Variants in MARCHF11 observed in about 807,000 individuals in gnomAD.
MARCHF11 encodes the protein E3 ubiquitin-protein ligase MARCHF11.
In MARCHF11, 29 loss-of-function variants were observed where a neutral mutation model predicts 37.3. The ratio of observed to expected loss-of-function variants is 0.78; its 90% CI spans 0.58 to 1.06. The LOEUF (loss-of-function observed/expected upper bound fraction) is 1.06, where lower values mean the gene tolerates loss of function less well. Ranked by LOEUF, MARCHF11 falls within the 50% of genes least tolerant of loss-of-function variation. MARCHF11 has a pLI of 0.00. For synonymous variants in MARCHF11, 233 were observed against 228.0 expected, an observed-to-expected ratio of 1.02 and a Z score of -0.20; for missense variants, 482 against 533.4, an observed-to-expected ratio of 0.90 and a Z score of 0.95.
chr5:16,175,670 T>C (rs1738343622), intron 2 of MARCHF11, among the ~76,000 whole-genome samples: 1 of 152,232 alleles, frequency 6.6e-6, no homozygotes, highest in African/African-American at 2.4e-5. Context: ...TATTTGTGAA[T>C]ATTAATATTT....
At chr5:16,115,001 C>T (rs1288172351) in intron 2 of MARCHF11, among the ~76,000 whole-genome samples, 1 of 152,056 alleles carries the variant, frequency 6.6e-6, no homozygotes, top group Non-Finnish European at 1.5e-5. Context: ...TTTAACTGCA[C>T]ATCGTGTGTC....
Position 16,137,002 on chromosome 5 carries a change from T to C in MARCHF11, c.693+40724A>G, listed in dbSNP as rs143480343. Among the ~76,000 whole-genome samples, 27 of 152,150 alleles carry C rather than the reference T, an allele frequency of 1.8e-4. 1 individual carries two copies. The East Asian group carries it at 5.2e-3, about 29-fold the overall frequency. ...CCTTTCTAAATAACAATAAAAAATA[T>C]AAAATCAAATCTAGACCATGTAATA... On this transcript the variant is annotated intron_variant, in intron 2 of 3. Coordinates refer to ENST00000332432, the MANE Select transcript of MARCHF11 (RefSeq NM_001102562.3).
intron 2 of MARCHF11, among the ~76,000 whole-genome samples, chr5:16,092,229 T>G (rs1736801086): frequency 6.6e-6 from 1 of 152,158 alleles, no homozygotes; most frequent in African/African-American, 2.4e-5. Flanking sequence ...ACACATACCA[T>G]AAATAAATAA....
chr5:16,165,341 C>G (rs997158510), intron 2 of MARCHF11, among the ~76,000 whole-genome samples: 1 of 152,004 alleles, frequency 6.6e-6, no homozygotes, highest in African/African-American at 2.4e-5. Context: ...AACCCAGTTC[C>G]CCTATTGTTA....
chr5:16,124,243 T>C lies in MARCHF11; in HGVS notation c.694-33162A>G, dbSNP rs1737362309. Among the ~76,000 whole-genome samples, 3 of 152,274 alleles carry C rather than the reference T, an allele frequency of 2.0e-5. 1 individual carries two copies. The South Asian group carries it at 6.2e-4, about 32-fold the overall frequency. ...AAGAAGAAAATGAGGAACTGCTACC[T>C]AGAACCTAAGGGTTCTGAACACCAA... On this transcript the variant is annotated intron_variant, in intron 2 of 3. Coordinates refer to ENST00000332432, the MANE Select transcript of MARCHF11 (RefSeq NM_001102562.3).
intron 2 of MARCHF11, among the ~76,000 whole-genome samples, chr5:16,112,211 C>G (rs1300696816): frequency 1.3e-5 from 2 of 152,132 alleles, no homozygotes; most frequent in Non-Finnish European, 2.9e-5. Context: ...CCTCCAGACC[C>G]CAGAATGGTA....
At chr5:16,139,448 T>C (rs1206535373) in intron 2 of MARCHF11, among the ~76,000 whole-genome samples, 2 of 152,192 alleles carry the variant, frequency 1.3e-5, no homozygotes, top group Non-Finnish European at 2.9e-5. Context: ...GTCTCGGGTA[T>C]GTCTTTGTAG....
At chr5:16,083,831 A>AT (rs1560969626) in intron 3 of MARCHF11, among the ~76,000 whole-genome samples, 1 of 152,198 alleles carries the variant, frequency 6.6e-6, no homozygotes, top group Non-Finnish European at 1.5e-5. Context: ...TAGCTGGTTT[A>AT]TATTCATAGA....
intron 3 of MARCHF11, among the ~76,000 whole-genome samples, chr5:16,071,932 G>GGTT (rs1736444337): frequency 6.6e-6 from 1 of 152,182 alleles, no homozygotes; most frequent in South Asian, 2.1e-4. Context: ...TGTACAAACA[G>GGTT]GTACTAGTTT....
Position 16,067,983 on chromosome 5 carries a change from T to C in MARCHF11, c.887-190A>G, listed in dbSNP as rs866142212. ...CCCATATGACACAGAAATAATCCAT[T>C]TTTGAAGAATGAGAATACACTAATA... On this transcript the variant is annotated intron_variant, in intron 3 of 3. Coordinates refer to ENST00000332432, the MANE Select transcript of MARCHF11 (RefSeq NM_001102562.3). 2.4e-4 allele frequency among the ~76,000 whole-genome samples: 37 copies of C among 152,190 alleles called. 1 individual carries two copies. The highest frequency in any genetic ancestry group is 8.9e-4 in the African/African-American group (37 of 41,434).
chr5:16,177,926 T>C (rs887583312), intron 1 of MARCHF11, 45 bp from the exon 2 acceptor site: 2 of 1,537,476 alleles, frequency 1.3e-6, no homozygotes, highest in Non-Finnish European at 1.8e-6. Flanking sequence ...TCTGTGTCTC[T>C]ATTTTAAAAA....
chr5:16,179,240 C>A lies in MARCHF11; in HGVS notation c.336G>T (p.Ala112=). The A allele has an allele frequency of 7.4e-7, 1 of 1,344,088 alleles. No individual in the cohort carries two copies. Among genetic ancestry groups the A allele is most frequent in the Non-Finnish European group, 9.5e-7 (1 of 1,047,974 alleles). 83.3% of individuals were successfully genotyped at this position (1,344,088 alleles called of 1,614,324 possible). The change falls in exon 1 of 4, where the codon GCG becomes GCT. Residue 112 remains alanine, a synonymous_variant. Transcript: ENST00000332432. ...CCCCGGGGCCGCCTTTCGCTGCTGC[C>A]GCCTCCGGGAGGCGCCTCGGACCTT... is the stretch of plus-strand genomic sequence containing the variant. The part of the protein sequence containing the change: ...SGEGPRRLPE[A]AAAKGGPGES...
rs59440529 is a variant in MARCHF11 at position 16,071,957 on chromosome 5, G to GT, written c.887-4165dup. 2.9e-3 allele frequency among the ~76,000 whole-genome samples: 441 copies of GT among 151,612 alleles called. 2 individuals carry two copies. The highest frequency in any genetic ancestry group is 3.1e-3 in the East Asian group (16 of 5,166). On this transcript the variant is annotated intron_variant, in intron 3 of 3. Coordinates refer to ENST00000332432, the MANE Select transcript of MARCHF11 (RefSeq NM_001102562.3). ...GGTACTAGTTTTTGTGTGTTTTTTT[G>GT]TTTTTTTTGTTTGTTTTTTTGAGAC...
chr5:16,073,174 T>C (rs1736465607), intron 3 of MARCHF11, among the ~76,000 whole-genome samples: 1 of 152,228 alleles, frequency 6.6e-6, no homozygotes, highest in Non-Finnish European at 1.5e-5. Context: ...AAGAGCATTT[T>C]AGAGTCCATC....
At chr5:16,088,149 G>T (rs947615812) in intron 3 of MARCHF11, among the ~76,000 whole-genome samples, 5 of 151,976 alleles carry the variant, frequency 3.3e-5, no homozygotes, top group African/African-American at 1.2e-4. Context: ...CATCTGCTTG[G>T]CTATTGCTTC....
At chr5:16,116,774 C>T (rs1159334258) in intron 2 of MARCHF11, among the ~76,000 whole-genome samples, 3 of 152,068 alleles carry the variant, frequency 2.0e-5, no homozygotes, top group Admixed American at 1.3e-4. Flanking sequence ...TACAAATGAA[C>T]GTTTAAGAAA....
At chr5:16,102,894 G>A (rs973111977) in intron 2 of MARCHF11, among the ~76,000 whole-genome samples, 3 of 152,198 alleles carry the variant, frequency 2.0e-5, no homozygotes, top group African/African-American at 7.2e-5. Context: ...AGCGGTTTGA[G>A]CATTGTTGGC....
chr5:16,166,992 ATGTTCATTTACTTATGAACATACAACG>A, intron 2 of MARCHF11, among the ~76,000 whole-genome samples: 1 of 148,418 alleles, frequency 6.7e-6, no homozygotes. Flanking sequence ...ACATACAACG[ATGTTCATTTACTTATGAACATACAACG>A]ATGTTCATTT....
At chr5:16,167,862 G>A (rs1388915702) in intron 2 of MARCHF11, among the ~76,000 whole-genome samples, 5 of 151,970 alleles carry the variant, frequency 3.3e-5, no homozygotes, top group African/African-American at 9.7e-5. Flanking sequence ...AGTGGTTAAC[G>A]TGTTGAATAA....
Sources: allele counts gnomAD v4.1 joint callset (sites outside exome capture counted in the v4.1 genomes callset), GRCh38; gene constraint gnomAD v4.1.1; transcripts MANE v1.5; gene names NCBI Gene and HGNC (gene_info 2026-07-23, HGNC 2026-07-21).